MAD1L1: variants seen among roughly 807,000 people sequenced by gnomAD.
MAD1L1 encodes mitotic arrest deficient 1 like 1, also known as mitotic spindle assembly checkpoint protein MAD1.
MAD1L1 carries 95 observed loss-of-function variants against 96.9 expected under a neutral mutation model. The ratio of observed to expected loss-of-function variants is 0.98; its 90% CI spans 0.83 to 1.16. MAD1L1 has a LOEUF of 1.16. Among genes scored for constraint, MAD1L1 ranks in the 50% most tolerant of loss-of-function variants. The probability of loss-of-function intolerance (pLI) is 0.00; values close to 1 mark genes in which losing one functional copy is unlikely to be tolerated. For missense variants in MAD1L1, 1,007 were observed against 954.4 expected (o/e 1.06, Z -0.73); for synonymous variants, 473 against 396.6 (o/e 1.19, Z -2.29).
intron 12 of MAD1L1, among the ~76,000 whole-genome samples, chr7:2,045,116 A>C (rs1783863327): frequency 6.6e-6 from 1 of 152,152 alleles, no homozygotes. Context: ...AGCTGCTGCC[A>C]CCAGGGGCCA....
At chr7:1,866,757 C>A (rs570122572) in intron 18 of MAD1L1, among the ~76,000 whole-genome samples, 1 of 152,116 alleles carries the variant, frequency 6.6e-6, no homozygotes, top group African/African-American at 2.4e-5. Flanking sequence ...CACGGGCTGA[C>A]GGGAGCCCTG....
In MAD1L1 at chr7:2,043,470, C is replaced by T. The variant is rs534352219; in HGVS notation, c.1218+25724G>A. ...GCTGCAATCTGTTCTGACAATCCCA[C>T]GCTCCTTAGGAGGCCCTCGGCACGA... On this transcript the variant is annotated intron_variant, in intron 12 of 18. Coordinates refer to ENST00000265854, the MANE Select transcript of MAD1L1 (RefSeq NM_001013836.2). Among the ~76,000 whole-genome samples, 4 of 152,364 alleles carry T rather than the reference C, an allele frequency of 2.6e-5. No homozygotes were observed. The South Asian group carries it at 6.2e-4, about 24-fold the overall frequency.
At chr7:1,859,330 G>A (rs763118263) in intron 18 of MAD1L1, among the ~76,000 whole-genome samples, 4 of 152,220 alleles carry the variant, frequency 2.6e-5, no homozygotes, top group Non-Finnish European at 5.9e-5. Context: ...TTCACCAGGC[G>A]TCTCCATATC....
At chr7:2,192,646 T>C (rs1016334867) in intron 10 of MAD1L1, among the ~76,000 whole-genome samples, 9 of 152,158 alleles carry the variant, frequency 5.9e-5, no homozygotes, top group African/African-American at 2.2e-4. Context: ...TAAAGTTTTT[T>C]AAAAAATTCT....
At chr7:2,184,716 A>G (rs1344240224) in intron 10 of MAD1L1, among the ~76,000 whole-genome samples, 1 of 152,102 alleles carries the variant, frequency 6.6e-6, no homozygotes, top group Non-Finnish European at 1.5e-5. Flanking sequence ...AAAATGAACC[A>G]CTGGGCCGGG....
chr7:1,874,693 G>C (rs1400814863), intron 18 of MAD1L1: 2 of 369,586 alleles, frequency 5.4e-6, no homozygotes, highest in Non-Finnish European at 1.1e-5. Context: ...CTACCTGCTC[G>C]ATTGGGGCCT....
chr7:2,166,683 G>A (rs13226690), intron 10 of MAD1L1, among the ~76,000 whole-genome samples: 21,702 of 152,308 alleles, frequency 0.14, 1,827 homozygotes, highest in Middle Eastern at 0.28. Flanking sequence ...AAGCAGGCCC[G>A]CTTCCGGGAG....
At chr7:2,220,685 T>C (rs923449049) in intron 5 of MAD1L1, among the ~76,000 whole-genome samples, 1 of 152,196 alleles carries the variant, frequency 6.6e-6, no homozygotes, top group Non-Finnish European at 1.5e-5. Context: ...CTGAAGCCTA[T>C]CACCGCTGTC....
At chr7:2,183,585 A>G (rs1791307429) in intron 10 of MAD1L1, among the ~76,000 whole-genome samples, 1 of 152,198 alleles carries the variant, frequency 6.6e-6, no homozygotes, top group Non-Finnish European at 1.5e-5. Flanking sequence ...AAAAATGATG[A>G]GTTCATGTCC....
chr7:2,224,723 A>C (rs1487133428), intron 4 of MAD1L1, among the ~76,000 whole-genome samples: 1 of 152,154 alleles, frequency 6.6e-6, no homozygotes, highest in South Asian at 2.1e-4. Context: ...CACTGACTGA[A>C]ACCCTGGCAA....
At chr7:1,852,678 C>T (rs576452876) in intron 18 of MAD1L1, among the ~76,000 whole-genome samples, 4 of 152,310 alleles carry the variant, frequency 2.6e-5, no homozygotes, top group African/African-American at 7.2e-5. Flanking sequence ...AAAAGCTTTG[C>T]GAGATACTGC....
chr7:1,927,208 C>A (rs1789139332), intron 17 of MAD1L1, among the ~76,000 whole-genome samples: 2 of 152,078 alleles, frequency 1.3e-5, no homozygotes, highest in South Asian at 4.2e-4. Context: ...GTGAAAACCA[C>A]AAAATGTGGA....
intron 11 of MAD1L1, among the ~76,000 whole-genome samples, chr7:2,090,368 C>T (rs538974273): frequency 6.6e-6 from 1 of 152,308 alleles, no homozygotes; most frequent in South Asian, 2.1e-4. Flanking sequence ...TGATCCTTAC[C>T]TCAGGGGTTT....
intron 18 of MAD1L1, among the ~76,000 whole-genome samples, chr7:1,857,732 G>A (rs534090582): frequency 2.0e-5 from 3 of 152,308 alleles, no homozygotes; most frequent in East Asian, 1.9e-4. Context: ...ACCAGGGGCC[G>A]GGGGACGTCC....
intron 18 of MAD1L1, among the ~76,000 whole-genome samples, chr7:1,860,933 C>A (rs906641626): frequency 3.3e-5 from 5 of 152,204 alleles, no homozygotes; most frequent in African/African-American, 1.2e-4. Context: ...AATCTCCCAC[C>A]CAGTTCTGGG....
chr7:2,026,321 T>G (rs1782993260), intron 12 of MAD1L1, among the ~76,000 whole-genome samples: 1 of 152,168 alleles, frequency 6.6e-6, no homozygotes, highest in African/African-American at 2.4e-5. Flanking sequence ...CATACTGCAA[T>G]AATTGACAAA....
At chr7:1,931,773 A>T (rs1209369085) in intron 17 of MAD1L1, among the ~76,000 whole-genome samples, 2 of 152,074 alleles carry the variant, frequency 1.3e-5, no homozygotes, top group Non-Finnish European at 2.9e-5. Flanking sequence ...CTCAGAATGC[A>T]GGACACTGCT....
intron 12 of MAD1L1, among the ~76,000 whole-genome samples, chr7:2,058,525 C>CTT (rs1784481871): frequency 1.6e-5 from 1 of 62,618 alleles, no homozygotes; most frequent in Non-Finnish European, 3.4e-5. Flanking sequence ...AGAGGAGAGG[C>CTT]GCAGGGCTGG....
At chr7:1,888,113 CTGTG>C (rs566158415) in intron 18 of MAD1L1, among the ~76,000 whole-genome samples, 79 of 139,234 alleles carry the variant, frequency 5.7e-4, no homozygotes, top group African/African-American at 1.9e-3. Flanking sequence ...CTGCCTGTGC[CTGTG>C]TGTGAGCATT....
Sources: gnomAD v4.1 joint callset for allele counts (sites outside exome capture counted in the v4.1 genomes callset) on GRCh38, gnomAD v4.1.1 for gene constraint, MANE v1.5 for transcripts, NCBI Gene and HGNC (gene_info 2026-07-23, HGNC 2026-07-21) for gene names.